The following HSPG2 variants were observed in gnomAD, a reference collection of about 807,000 sequenced individuals.
HSPG2 encodes basement membrane-specific heparan sulfate proteoglycan core protein.
HSPG2 carries 278 observed loss-of-function variants against 526.6 expected under a neutral mutation model. The observed-to-expected ratio is 0.53, with a 90% CI of 0.48 to 0.58. The LOEUF (loss-of-function observed/expected upper bound fraction) is 0.58. Among genes scored for constraint, HSPG2 ranks in the 20% least tolerant of loss-of-function variants. HSPG2 has a pLI of 0.00. For missense variants in HSPG2, 5,354 were observed against 6,099.5 expected (o/e 0.88, Z 4.07); for synonymous variants, 2,465 against 2,555.4 (o/e 0.96, Z 1.07).
chr1:21,885,870 T>C (rs969407525), intron 9 of HSPG2, among the ~76,000 whole-genome samples: 6 of 152,216 alleles, frequency 3.9e-5, no homozygotes, highest in Admixed American at 3.9e-4. Context: ...CACAGTGTGG[T>C]CCCCTGAGGG....
intron 1 of HSPG2, among the ~76,000 whole-genome samples, chr1:21,906,943 TGAA>T (rs1393769105): frequency 2.0e-5 from 3 of 152,164 alleles, no homozygotes; most frequent in South Asian, 4.1e-4. Context: ...AGGAGGCTCT[TGAA>T]GATAAGAAAA....
intron 25 of HSPG2, 45 bp from the exon 26 acceptor site, chr1:21,875,047 G>A (rs1223087014): frequency 5.0e-6 from 7 of 1,387,480 alleles, no homozygotes; most frequent in Non-Finnish European, 7.0e-6. Flanking sequence ...CTGGCTCTGT[G>A]CCAGGCACGC....
chr1:21,886,647 A>G (rs2152761712), intron 9 of HSPG2, among the ~76,000 whole-genome samples: 1 of 152,262 alleles, frequency 6.6e-6, no homozygotes, highest in South Asian at 2.1e-4. Context: ...AAAGATGGAT[A>G]CCACAAGGGT....
At chr1:21,932,005 G>C (rs1032191176) in intron 1 of HSPG2, among the ~76,000 whole-genome samples, 3 of 152,154 alleles carry the variant, frequency 2.0e-5, no homozygotes, top group Admixed American at 6.5e-5. Flanking sequence ...ACTGCCTGTA[G>C]AGTCCCAGGA....
rs2098057628 is a variant in HSPG2 at position 21,843,431 on chromosome 1, C to T, written c.8624G>A (p.Gly2875Asp). The T allele has an allele frequency of 6.2e-7, 1 of 1,611,984 alleles. No individual in the cohort carries two copies. The highest frequency in any genetic ancestry group is 2.2e-5 in the East Asian group (1 of 44,802). Residue 2875 changes from glycine (G) to aspartate (D), a missense_variant, in exon 66 of 97, where the codon GGC (glycine) becomes GAC (aspartate). Physicochemically the swap from Gly to Asp is moderately conservative, Grantham distance 94 (BLOSUM62 -1). Coordinates refer to ENST00000374695, the MANE Select transcript of HSPG2 (RefSeq NM_005529.7). ...GNLPARHQVH[G>D]PLLRLNQVSP... ...CACCTGGTTCAGCCTCAGCAGTGGG[C>T]CGTGGACCTGGCCAAGGTGGGGTGA...
At chr1:21,882,376 C>T (rs908417467) in intron 13 of HSPG2, among the ~76,000 whole-genome samples, 2 of 149,832 alleles carry the variant, frequency 1.3e-5, no homozygotes, top group Non-Finnish European at 3.0e-5. Context: ...TATGATGGGT[C>T]GTCTAGTCCA....
Position 21,904,331 on chromosome 1 carries a change from A to C in HSPG2, c.64-8021T>G, listed in dbSNP as rs1012062469. On this transcript the variant is annotated intron_variant, in intron 1 of 96. Transcript: ENST00000374695. This position sits in a 1 kb window ranked among gnomAD's most constrained non-coding sequence, Gnocchi z 4.4. ...GAAGAGTGCGGACCAGGTGGAGGGAAGGGCACACGCTGAGGCCAGGGCTGG... is the reference window on the plus strand; with the variant it reads ...GAAGAGTGCGGACCAGGTGGAGGGACGGGCACACGCTGAGGCCAGGGCTGG... Among the ~76,000 whole-genome samples the C allele has an allele frequency of 2.4e-4, 36 of 152,090 alleles. No individual in the cohort carries two copies. Among genetic ancestry groups the C allele is most frequent in the African/African-American group, 8.7e-4 (36 of 41,396 alleles).
At chr1:21,922,410 G>A (rs11580829) in intron 1 of HSPG2, among the ~76,000 whole-genome samples, 38 of 152,300 alleles carry the variant, frequency 2.5e-4, no homozygotes, top group African/African-American at 7.9e-4. Context: ...TTTTCTGGGC[G>A]GTCTGAAGCC....
At chr1:21,830,301 G>T (rs2097996891) in intron 85 of HSPG2, 1 of 594,922 alleles carries the variant, frequency 1.7e-6, no homozygotes, top group Admixed American at 2.9e-5. Context: ...GCAGTCGAGG[G>T]ACTCTGTGTG....
At chr1:21,857,442 G>T in intron 42 of HSPG2, 57 bp from the exon 43 acceptor site, 1 of 1,491,392 alleles carries the variant, frequency 6.7e-7, no homozygotes. Flanking sequence ...CGGTCCTGTG[G>T]CCACTTTGTC....
intron 1 of HSPG2, among the ~76,000 whole-genome samples, chr1:21,931,436 C>G (rs755045225): frequency 1.3e-5 from 2 of 152,194 alleles, no homozygotes; most frequent in Admixed American, 6.5e-5. Flanking sequence ...GGACCCTCGG[C>G]GCAGCCTCCC....
intron 28 of HSPG2, 44 bp downstream of exon 28, chr1:21,874,362 A>T (rs1346597307): frequency 6.2e-7 from 1 of 1,609,120 alleles, no homozygotes; most frequent in Admixed American, 1.7e-5. Flanking sequence ...AGCGGGTGGT[A>T]GACATTTCAG....
At chr1:21,908,127 C>T (rs1643476187) in intron 1 of HSPG2, 2 of 818,752 alleles carry the variant, frequency 2.4e-6, no homozygotes, top group Admixed American at 3.4e-5. Flanking sequence ...AGAGGAGAGG[C>T]ACCCAATAGA....
chr1:21,849,434 G>A (rs940407292), intron 57 of HSPG2, among the ~76,000 whole-genome samples: 1 of 152,192 alleles, frequency 6.6e-6, no homozygotes, highest in Admixed American at 6.5e-5. Flanking sequence ...TAGACCAGAG[G>A]AGCCCCAGTG....
chr1:21,829,482 C>T lies in HSPG2; in HGVS notation c.11893G>A (p.Val3965Ile). ...VEFKPLAPDG[V>I]LLFSGGKSGP... ...CTCTTCCCCCCGCTGAACAGCAGGA[C>T]CCCGTCAGGGGCGAGTGGCTTGAAC... The change falls in exon 87 of 97, where the codon GTC becomes ATC. Residue 3965 changes from valine to isoleucine, a missense_variant. Transcript: ENST00000374695. The T allele has an allele frequency of 6.2e-7, 1 of 1,613,432 alleles. No homozygotes were observed. The highest frequency in any genetic ancestry group is 8.5e-7 in the Non-Finnish European group (1 of 1,179,878).
intron 1 of HSPG2, among the ~76,000 whole-genome samples, chr1:21,915,893 T>TA (rs1196477819): frequency 1.1e-4 from 16 of 148,702 alleles, no homozygotes; most frequent in African/African-American, 9.9e-5. Context: ...CTACTAAAAA[T>TA]AAAAAAAATT....
chr1:21,827,530 C>T (rs1306951785), intron 91 of HSPG2, among the ~76,000 whole-genome samples: 1 of 152,142 alleles, frequency 6.6e-6, no homozygotes, highest in Non-Finnish European at 1.5e-5. Context: ...TTTCAGTAGA[C>T]GGTGGAATTC....
At chr1:21,853,724 G>A (rs1344833522) in intron 50 of HSPG2, 1 of 169,718 alleles carries the variant, frequency 5.9e-6, no homozygotes. Flanking sequence ...ACTCCAGCCT[G>A]GGTGACAGAG....
intron 65 of HSPG2, 23 bp downstream of exon 65, chr1:21,844,125 G>A: frequency 6.2e-7 from 1 of 1,611,764 alleles, no homozygotes; most frequent in Non-Finnish European, 8.5e-7. Context: ...GAGGATGCAT[G>A]CATCCTTCTC....
Sources: allele counts gnomAD v4.1 joint callset (sites outside exome capture counted in the v4.1 genomes callset), GRCh38; gene constraint gnomAD v4.1.1; non-coding constraint Gnocchi (gnomAD v3.1); transcripts MANE v1.5; gene names NCBI Gene and HGNC (gene_info 2026-07-23, HGNC 2026-07-21).